The following TMEM70 variants were observed in gnomAD, a reference collection of about 807,000 sequenced individuals.
The protein encoded by TMEM70 is transmembrane protein 70.
A neutral mutation model predicts 20.5 loss-of-function variants in TMEM70; 15 were observed. The observed-to-expected ratio is 0.73, with a 90% CI of 0.49 to 1.13. The LOEUF (loss-of-function observed/expected upper bound fraction) is 1.13, where lower values mean the gene tolerates loss of function less well. Among genes scored for constraint, TMEM70 ranks in the 50% most tolerant of loss-of-function variants. TMEM70 has a pLI of 0.00. For missense variants in TMEM70, 344 were observed against 331.7 expected, an observed-to-expected ratio of 1.04 and a Z score of -0.29; for synonymous variants, 141 against 134.2, an observed-to-expected ratio of 1.05 and a Z score of -0.35.
Position 73,981,870 on chromosome 8 carries a change from T to C in TMEM70, c.*249T>C, listed in dbSNP as rs953624137. 8.4e-6 allele frequency: 5 copies of C among 593,766 alleles called. No homozygotes were observed. Among genetic ancestry groups the C allele is most frequent in the Non-Finnish European group, 1.3e-5 (4 of 318,784 alleles). 36.8% of individuals were successfully genotyped at this position (593,766 alleles called of 1,614,324 possible). On this transcript the variant is annotated 3_prime_UTR_variant, in exon 3 of 3. Coordinates refer to ENST00000312184, the MANE Select transcript of TMEM70 (RefSeq NM_017866.6). Reference sequence around the variant, plus strand: ...TGTTCATGCTAGTATAAGAGTTCTGTGTTACTGTGGTTGACTCTAAACTGG... The same window carrying C: ...TGTTCATGCTAGTATAAGAGTTCTGCGTTACTGTGGTTGACTCTAAACTGG...
Position 73,982,441 on chromosome 8 carries a change from A to T in TMEM70, c.*820A>T. ...TTACTTCCATCAGTATTGAGCCAGGAGTTGAGATGGAAGTCACCATTGCAA... is the reference window on the plus strand; with the variant it reads ...TTACTTCCATCAGTATTGAGCCAGGTGTTGAGATGGAAGTCACCATTGCAA... On this transcript the variant is annotated 3_prime_UTR_variant, in exon 3 of 3. Coordinates refer to ENST00000312184, the MANE Select transcript of TMEM70 (RefSeq NM_017866.6). 1 of 789,008 alleles carries T rather than the reference A, an allele frequency of 1.3e-6. No individual in the cohort carries two copies. 48.9% of individuals were successfully genotyped at this position (789,008 alleles called of 1,614,324 possible).
rs182239330 is a variant in TMEM70, at chr8:73,982,349, G to A, written c.*728G>A. 7 of 705,402 alleles carry A rather than the reference G, an allele frequency of 9.9e-6. No homozygotes were observed. The highest frequency in any genetic ancestry group is 5.3e-5 in the Admixed American group (3 of 56,416). The allele number at this position is 705,402 out of a possible 1,614,324, so 43.7% of individuals were successfully genotyped here. A position where few individuals can be genotyped will look rare whatever the true frequency, so the allele number is the denominator to read the frequency against. ...TTACGGTGAAGGTTCTAAGGCATGGGATCGTTTCCAGATGAGAATCCACAA... is the reference window on the plus strand; with the variant it reads ...TTACGGTGAAGGTTCTAAGGCATGGAATCGTTTCCAGATGAGAATCCACAA... On this transcript the variant is annotated 3_prime_UTR_variant, in exon 3 of 3. Coordinates refer to ENST00000312184, the MANE Select transcript of TMEM70 (RefSeq NM_017866.6).
chr8:73,981,067 A>G (rs1815780201), intron 2 of TMEM70, 88 bp from the exon 3 acceptor site: 1 of 1,116,390 alleles, frequency 9.0e-7, no homozygotes, highest in African/African-American at 1.6e-5. Context: ...CTGATACAGT[A>G]AGAAGAAAAA....
chr8:73,978,680 A>G, intron 1 of TMEM70, 76 bp from the exon 2 acceptor site: 7 of 1,456,840 alleles, frequency 4.8e-6, no homozygotes, highest in Non-Finnish European at 5.7e-6. Flanking sequence ...GAGACAGAGC[A>G]AGACTCTGTC....
At chr8:73,976,608 G>C (rs945903768) in intron 1 of TMEM70, 117 bp downstream of exon 1, 30 of 1,078,214 alleles carry the variant, frequency 2.8e-5, no homozygotes, top group Non-Finnish European at 3.1e-5. Flanking sequence ...GCTGGAGCGC[G>C]GGAGGAGCCC....
In TMEM70 at chr8:73,976,418, CG is replaced by C. The variant is rs1815648647; in HGVS notation, c.141del (p.Pro48ArgfsTer2). The C allele has an allele frequency of 2.5e-6, 4 of 1,579,006 alleles. No individual in the cohort carries two copies. In the East Asian group the frequency reaches 9.1e-5, roughly 36 times the overall value. On this transcript the variant is annotated frameshift_variant, in exon 1 of 3. Coordinates refer to ENST00000312184, the MANE Select transcript of TMEM70 (RefSeq NM_017866.6). LOFTEE classifies it high-confidence loss of function. The stretch of plus-strand genomic sequence containing the variant: ...CGGGCGTCCTCCAGCAGCGGGCCTT[CG>C]GGGCCGGTAGCCGGCTGGAGTACGG... ...VSRASSSSGP[S>X]GPVAGWSTGP...
Position 73,981,980 on chromosome 8 carries a change from A to C in TMEM70, c.*359A>C. 1 of 474,324 alleles carries C rather than the reference A, an allele frequency of 2.1e-6. No individual in the cohort carries two copies. The highest frequency in any genetic ancestry group is 4.2e-6 in the Non-Finnish European group (1 of 240,426). The allele number at this position is 474,324 out of a possible 1,614,324, so 29.4% of individuals were successfully genotyped here. A position where few individuals can be genotyped will look rare whatever the true frequency, so the allele number is the denominator to read the frequency against. ...AAGTGTATAAATATTTTCCGACATT[A>C]AAAGACATTTTCTCTTTGAGGAAGA... On this transcript the variant is annotated 3_prime_UTR_variant, in exon 3 of 3. Coordinates refer to ENST00000312184, the MANE Select transcript of TMEM70 (RefSeq NM_017866.6).
At chr8:73,979,681 A>G (rs1815742183) in intron 2 of TMEM70, among the ~76,000 whole-genome samples, 1 of 151,908 alleles carries the variant, frequency 6.6e-6, no homozygotes, top group Admixed American at 6.6e-5. Flanking sequence ...ATCATAGTTC[A>G]CTGCAACTTC....
In TMEM70 at chr8:73,982,568, A is replaced by C; in HGVS notation, c.*947A>C. On this transcript the variant is annotated 3_prime_UTR_variant, in exon 3 of 3. Coordinates refer to ENST00000312184, the MANE Select transcript of TMEM70 (RefSeq NM_017866.6). ...ATTCACAAATTATGGGAGCAGTTTT[A>C]AGTCTTCTTTGGTTCAGAACACAGG... is the stretch of plus-strand genomic sequence containing the variant. 1 of 500,570 alleles carries C rather than the reference A, an allele frequency of 2.0e-6. No individual in the cohort carries two copies. The highest frequency in any genetic ancestry group is 3.9e-6 in the Non-Finnish European group (1 of 255,992). The allele number at this position is 500,570 out of a possible 1,614,324, so 31.0% of individuals were successfully genotyped here.
At chr8:73,979,186 A>G (rs1184320559) in intron 2 of TMEM70, 1 of 411,478 alleles carries the variant, frequency 2.4e-6, no homozygotes, top group Non-Finnish European at 4.7e-6. Flanking sequence ...GCACCACCAC[A>G]CTTGGCCAAT....
intron 2 of TMEM70, 53 bp from the exon 3 acceptor site, chr8:73,981,102 A>T: frequency 2.1e-6 from 3 of 1,455,770 alleles, no homozygotes; most frequent in Non-Finnish European, 2.9e-6. Flanking sequence ...GGATAGATTG[A>T]TTCTTTTATA....
chr8:73,982,519 C>G lies in TMEM70; in HGVS notation c.*898C>G. On this transcript the variant is annotated 3_prime_UTR_variant, in exon 3 of 3. Coordinates refer to ENST00000312184, the MANE Select transcript of TMEM70 (RefSeq NM_017866.6). Reference sequence around the variant, plus strand: ...TGATTACCAGTTGTTAAAAAATTTTCAAAAAACCGCAAAATTTCAAGAAAT... The same window carrying G: ...TGATTACCAGTTGTTAAAAAATTTTGAAAAAACCGCAAAATTTCAAGAAAT... 1.7e-6 allele frequency: 1 copy of G among 572,564 alleles called. No homozygotes were observed. Among genetic ancestry groups the G allele is most frequent in the Non-Finnish European group, 3.3e-6 (1 of 300,442 alleles). 35.5% of individuals were successfully genotyped at this position (572,564 alleles called of 1,614,324 possible). A position where few individuals can be genotyped will look rare whatever the true frequency, so the allele number is the denominator to read the frequency against.
In TMEM70 at chr8:73,981,178, A is replaced by G; in HGVS notation, c.340A>G (p.Thr114Ala). The G allele has an allele frequency of 6.2e-7, 1 of 1,613,970 alleles. No individual in the cohort carries two copies. The highest frequency in any genetic ancestry group is 8.5e-7 in the Non-Finnish European group (1 of 1,179,920). The change falls in exon 3 of 3, where the codon ACG becomes GCG. Residue 114 changes from threonine to alanine, a missense_variant. Transcript: ENST00000312184. ...AGGTGTGAAATGTTTCTCTTATTCT[A>G]CGAGTCTGATTGGCCTTACATTTCT... ...VFGVKCFSYS[T>A]SLIGLTFLPY...
At position 73,982,491 on chromosome 8, in the gene TMEM70, A is replaced by G; in HGVS notation, c.*870A>G. 1.5e-6 allele frequency: 1 copy of G among 671,836 alleles called. No individual in the cohort carries two copies. Among genetic ancestry groups the G allele is most frequent in the Non-Finnish European group, 2.7e-6 (1 of 368,800 alleles). The allele number at this position is 671,836 out of a possible 1,614,324, so 41.6% of individuals were successfully genotyped here. On this transcript the variant is annotated 3_prime_UTR_variant, in exon 3 of 3. Coordinates refer to ENST00000312184, the MANE Select transcript of TMEM70 (RefSeq NM_017866.6). ...AATGCTTAAGTCAACTGTTTTCATA[A>G]ATTGATTACCAGTTGTTAAAAAATT...
In TMEM70 at chr8:73,978,849, C is replaced by G; in HGVS notation, c.304C>G (p.Arg102Gly). Residue 102 changes from arginine (R) to glycine (G), a missense_variant, in exon 2 of 3, where the codon CGA becomes GGA. By Grantham distance (125) the Arg-to-Gly change is moderately radical. Transcript: ENST00000312184. ...GRLIYTGNMA[R>G]AVFGVKCFSY... Reference sequence around the variant, plus strand: ...GCTAATTTATACTGGCAATATGGCCCGAGCAGTGTTTGGTAAGTAATTGGA... The same window carrying G: ...GCTAATTTATACTGGCAATATGGCCGGAGCAGTGTTTGGTAAGTAATTGGA... The G allele has an allele frequency of 6.2e-7, 1 of 1,614,012 alleles. No homozygotes were observed. The highest frequency in any genetic ancestry group is 8.5e-7 in the Non-Finnish European group (1 of 1,179,984).
rs143671088 is a variant in TMEM70, at chr8:73,976,660, G to C, written c.210+169G>C. On this transcript the variant is annotated intron_variant, in intron 1 of 2. Transcript: ENST00000312184. ...AGAAGTAGCAGGCCGAGGGCCCCGG[G>C]GTCCTCAGCCTCCGCGAGTCCAGGA... Among the ~76,000 whole-genome samples, 540 of 152,372 alleles carry C rather than the reference G, an allele frequency of 3.5e-3. 1 individual carries two copies. Among genetic ancestry groups the C allele is most frequent in the African/African-American group, 0.012 (510 of 41,584 alleles).
chr8:73,979,685 C>T (rs1234156785), intron 2 of TMEM70, among the ~76,000 whole-genome samples: 1 of 151,872 alleles, frequency 6.6e-6, no homozygotes, highest in Non-Finnish European at 1.5e-5. Flanking sequence ...TAGTTCACTG[C>T]AACTTCAAAC....
chr8:73,977,929 A>G (rs2131232840), intron 1 of TMEM70, among the ~76,000 whole-genome samples: 1 of 152,328 alleles, frequency 6.6e-6, no homozygotes, highest in East Asian at 1.9e-4. Context: ...GAAACCTGAG[A>G]GCTGGGATGC....
Position 73,982,411 on chromosome 8 carries a change from G to C in TMEM70, c.*790G>C, listed in dbSNP as rs747090752. The C allele has an allele frequency of 1.4e-5, 11 of 797,486 alleles. No individual in the cohort carries two copies. The highest frequency in any genetic ancestry group is 7.4e-4 in the Middle Eastern group (2 of 2,700). 49.4% of individuals were successfully genotyped at this position (797,486 alleles called of 1,614,324 possible). ...ACTTGCGCAGTCCTCAGATAGTTAAGCAGATTACTTCCATCAGTATTGAGC... is the reference window on the plus strand; with the variant it reads ...ACTTGCGCAGTCCTCAGATAGTTAACCAGATTACTTCCATCAGTATTGAGC... On this transcript the variant is annotated 3_prime_UTR_variant, in exon 3 of 3. Transcript: ENST00000312184.
Sources: allele counts gnomAD v4.1 joint callset (sites outside exome capture counted in the v4.1 genomes callset), GRCh38; gene constraint gnomAD v4.1.1; transcripts MANE v1.5; gene names NCBI Gene and HGNC (gene_info 2026-07-23, HGNC 2026-07-21).